Variants in PPP1R36 observed in about 807,000 individuals in gnomAD.
PPP1R36 encodes protein phosphatase 1 regulatory subunit 36, also known as chromosome 14 open reading frame 50.
Under a neutral mutation model 53.4 loss-of-function variants are expected in PPP1R36, and 47 were observed. That is an observed-to-expected ratio of 0.88 (90% CI 0.70 to 1.12). The LOEUF (loss-of-function observed/expected upper bound fraction) is 1.12, where lower values mean the gene tolerates loss of function less well. Among genes scored for constraint, PPP1R36 ranks in the 50% most tolerant of loss-of-function variants. The pLI, the probability that PPP1R36 is intolerant of heterozygous loss-of-function variation, is 0.00. For missense variants in PPP1R36, 456 were observed against 513.9 expected, an observed-to-expected ratio of 0.89 and a Z score of 1.09; for synonymous variants, 153 against 170.5, an observed-to-expected ratio of 0.90 and a Z score of 0.80.
At chr14:64,561,760 C>T in intron 3 of PPP1R36, 1 of 456,026 alleles carries the variant, frequency 2.2e-6, no homozygotes, top group South Asian at 1.5e-5. Flanking sequence ...GACATAGTAC[C>T]TGCTATCCTT....
rs182712149 is a variant in PPP1R36 at position 64,565,981 on chromosome 14, A to G, written c.434+289A>G. 6.7e-4 allele frequency among the ~76,000 whole-genome samples: 102 copies of G among 152,230 alleles called. 2 individuals are homozygous for G. Among genetic ancestry groups the G allele is most frequent in the East Asian group, 3.9e-4 (2 of 5,186 alleles). Reference sequence around the variant, plus strand: ...TATATAATAGTTAAAGGATATACCCATTTACTGGCCAGGTGCGGTGGCTCA... The same window carrying G: ...TATATAATAGTTAAAGGATATACCCGTTTACTGGCCAGGTGCGGTGGCTCA... On this transcript the variant is annotated intron_variant, in intron 6 of 11. Transcript: ENST00000298705.
intron 2 of PPP1R36, 51 bp downstream of exon 2, chr14:64,551,036 T>TG (rs750735747): frequency 2.6e-5 from 33 of 1,261,628 alleles, no homozygotes; most frequent in Non-Finnish European, 3.2e-5. Context: ...TACATGTGCC[T>TG]GGGGGAAAAA....
At chr14:64,564,688 T>C in intron 3 of PPP1R36, 63 bp from the exon 4 acceptor site, 1 of 1,083,782 alleles carries the variant, frequency 9.2e-7, no homozygotes, top group Non-Finnish European at 1.4e-6. Context: ...TGAGCTATGA[T>C]ATGATTTGAC....
At chr14:64,565,206 G>A (rs2080239947) in intron 4 of PPP1R36, 151 bp from the exon 5 acceptor site, 1 of 602,768 alleles carries the variant, frequency 1.7e-6, no homozygotes, top group African/African-American at 1.9e-5. Flanking sequence ...TTAATAAAAA[G>A]CATTCCAAAA....
At chr14:64,565,511 A>G (rs886808212) in intron 5 of PPP1R36, 57 bp downstream of exon 5, 64 of 1,411,480 alleles carry the variant, frequency 4.5e-5, no homozygotes, top group Non-Finnish European at 5.7e-5. Flanking sequence ...ACATACACAT[A>G]TCCATACATA....
chr14:64,553,760 T>TA (rs1203883064), intron 3 of PPP1R36, among the ~76,000 whole-genome samples: 1 of 141,380 alleles, frequency 7.1e-6, no homozygotes, highest in Non-Finnish European at 1.5e-5. Context: ...ATATACATAT[T>TA]AAAAAAATTC....
intron 10 of PPP1R36, among the ~76,000 whole-genome samples, chr14:64,587,773 T>A (rs1275690924): frequency 6.6e-6 from 1 of 151,968 alleles, no homozygotes; most frequent in Non-Finnish European, 1.5e-5. Context: ...CCTCTTTTTT[T>A]TTTCAGACAG....
chr14:64,568,852 A>G (rs1176251399), intron 7 of PPP1R36, among the ~76,000 whole-genome samples: 1 of 152,160 alleles, frequency 6.6e-6, no homozygotes, highest in Non-Finnish European at 1.5e-5. Flanking sequence ...ACTTTTTTGT[A>G]GTAAGTCTGG....
Position 64,587,448 on chromosome 14 carries a change from CTTTTTTTTTTTTTTTTTTT to C in PPP1R36, c.890+88_890+106del, listed in dbSNP as rs10708900. 152 of 110,992 alleles carry C rather than the reference CTTTTTTTTTTTTTTTTTTT, an allele frequency of 1.4e-3. 2 individuals carry two copies. Among genetic ancestry groups the C allele is most frequent in the Admixed American group, 0.011 (44 of 4,116 alleles). 6.9% of individuals were successfully genotyped at this position (110,992 alleles called of 1,614,324 possible). A position where few individuals can be genotyped will look rare whatever the true frequency, so the allele number is the denominator to read the frequency against. Reference sequence around the variant, plus strand: ...CCTTTCTTTTCTTTTCTTTTTTCTCCTTTTTTTTTTTTTTTTTTTTTTTTTTTTTTGAGACAGAGTCTTG... The same window carrying C: ...CCTTTCTTTTCTTTTCTTTTTTCTCCTTTTTTTTTTTGAGACAGAGTCTTG... On this transcript the variant is annotated intron_variant, in intron 10 of 11. Transcript: ENST00000298705.
intron 7 of PPP1R36, among the ~76,000 whole-genome samples, chr14:64,572,748 G>A (rs1050156251): frequency 2.0e-5 from 3 of 152,202 alleles, no homozygotes; most frequent in Admixed American, 6.5e-5. Flanking sequence ...AACTTGAGAA[G>A]CATTGGCCTA....
chr14:64,588,371 G>C (rs2080454653), intron 11 of PPP1R36, 76 bp downstream of exon 11: 1 of 1,323,312 alleles, frequency 7.6e-7, no homozygotes, highest in African/African-American at 1.5e-5. Context: ...CAGGGGCCCA[G>C]GCACCATGCC....
chr14:64,572,276 C>A (rs2080309377), intron 7 of PPP1R36, among the ~76,000 whole-genome samples: 1 of 152,104 alleles, frequency 6.6e-6, no homozygotes, highest in Admixed American at 6.5e-5. Context: ...TTTTCTGTTA[C>A]AAGCAATGCA....
chr14:64,562,005 A>T (rs1386688493), intron 3 of PPP1R36: 2 of 327,302 alleles, frequency 6.1e-6, no homozygotes, highest in Non-Finnish European at 1.2e-5. Context: ...AGAAAATATG[A>T]ATTTCTTTCC....
chr14:64,551,368 CT>C (rs2080092659), intron 2 of PPP1R36, among the ~76,000 whole-genome samples: 2 of 152,102 alleles, frequency 1.3e-5, no homozygotes, highest in Admixed American at 1.3e-4. Context: ...ATAAAATTGC[CT>C]TTTTGAGTTA....
At chr14:64,559,577 G>A (rs78289333) in intron 3 of PPP1R36, 8,078 of 152,442 alleles carry the variant, frequency 0.053, 294 homozygotes, top group Non-Finnish European at 0.082. Context: ...ATTTGGGGAG[G>A]AAGAGAGTGC....
At chr14:64,551,513 G>GTA (rs1157700242) in intron 2 of PPP1R36, 1 of 417,990 alleles carries the variant, frequency 2.4e-6, no homozygotes, top group African/African-American at 2.1e-5. Context: ...TCTTACAAGT[G>GTA]TATAGCTAAA....
chr14:64,588,806 C>T (rs989730972), intron 11 of PPP1R36, among the ~76,000 whole-genome samples: 4 of 152,016 alleles, frequency 2.6e-5, no homozygotes, highest in East Asian at 3.9e-4. Context: ...GTGATCTGCC[C>T]GCCTCGGCCT....
At chr14:64,551,631 T>G (rs2080094359) in intron 2 of PPP1R36, 1 of 456,288 alleles carries the variant, frequency 2.2e-6, no homozygotes, top group Admixed American at 2.3e-5. Flanking sequence ...CCTCATTTTA[T>G]AGATGAAGAA....
chr14:64,571,055 C>T (rs1428415707), intron 7 of PPP1R36, among the ~76,000 whole-genome samples: 5 of 152,160 alleles, frequency 3.3e-5, no homozygotes, highest in Non-Finnish European at 5.9e-5. Flanking sequence ...CACTGTTTTC[C>T]AGAGTTTATC....
Sources: allele counts gnomAD v4.1 joint callset (sites outside exome capture counted in the v4.1 genomes callset), GRCh38; gene constraint gnomAD v4.1.1; transcripts MANE v1.5; gene names NCBI Gene and HGNC (gene_info 2026-07-23, HGNC 2026-07-21).